Variants in POU2AF2 observed in about 807,000 individuals in gnomAD.
The protein encoded by POU2AF2 is POU class 2 homeobox associating factor 2.
At chr11:111,246,047 A>T in the POU2AF2 span, among the ~76,000 whole-genome samples, 1 of 152,218 alleles carries the variant, frequency 6.6e-6, no homozygotes, top group Non-Finnish European at 1.5e-5. Flanking sequence ...ACATTTTCCT[A>T]ATTCTAGTTA....
At chr11:111,259,149 C>A in the POU2AF2 span, among the ~76,000 whole-genome samples, 2 of 152,012 alleles carry the variant, frequency 1.3e-5, no homozygotes, top group African/African-American at 4.8e-5. Context: ...TTAAAGGGCA[C>A]TTTCTCATGT....
At chr11:111,283,126 C>T in the POU2AF2 span, among the ~76,000 whole-genome samples, 1 of 150,316 alleles carries the variant, frequency 6.7e-6, no homozygotes, top group South Asian at 2.1e-4. Flanking sequence ...GCAACCTCCA[C>T]CTCCCGGGTT....
At chr11:111,279,522 G>C in the POU2AF2 span, among the ~76,000 whole-genome samples, 1 of 152,176 alleles carries the variant, frequency 6.6e-6, no homozygotes, top group Non-Finnish European at 1.5e-5. Flanking sequence ...GATCCTCGAT[G>C]TTCCTTGGCT....
At chr11:111,270,420 G>A in the POU2AF2 span, among the ~76,000 whole-genome samples, 2 of 152,140 alleles carry the variant, frequency 1.3e-5, no homozygotes, top group Non-Finnish European at 2.9e-5. Context: ...AGCCCTTACT[G>A]TCACCTAAGG....
At chr11:111,256,535 T>C in the POU2AF2 span, among the ~76,000 whole-genome samples, 1 of 152,138 alleles carries the variant, frequency 6.6e-6, no homozygotes, top group Non-Finnish European at 1.5e-5. Flanking sequence ...GGAACACCAG[T>C]AGAGAGGGGC....
the POU2AF2 span, among the ~76,000 whole-genome samples, chr11:111,270,495 A>G: frequency 6.6e-6 from 1 of 152,190 alleles, no homozygotes; most frequent in Admixed American, 6.5e-5. Context: ...TAAATCCCCT[A>G]TAACCTAGGC....
the POU2AF2 span, among the ~76,000 whole-genome samples, chr11:111,266,622 T>A: frequency 4.6e-5 from 7 of 152,172 alleles, no homozygotes; most frequent in Non-Finnish European, 8.8e-5. Flanking sequence ...ACCTGTTCAG[T>A]TCTCTCTGGG....
chr11:111,266,616 G>T, the POU2AF2 span, among the ~76,000 whole-genome samples: 1 of 152,106 alleles, frequency 6.6e-6, no homozygotes, highest in Non-Finnish European at 1.5e-5. Context: ...CTTCCCACCT[G>T]TTCAGTTCTC....
At chr11:111,276,407 C>T in the POU2AF2 span, among the ~76,000 whole-genome samples, 1 of 139,068 alleles carries the variant, frequency 7.2e-6, no homozygotes, top group Non-Finnish European at 1.5e-5. Flanking sequence ...ACCATCCTGG[C>T]CAACATGGTG....
the POU2AF2 span, among the ~76,000 whole-genome samples, chr11:111,257,461 G>T: frequency 6.6e-6 from 1 of 151,326 alleles, no homozygotes; most frequent in African/African-American, 2.4e-5. Context: ...CCAGGTTCAA[G>T]CGATTCAAGC....
chr11:111,279,762 T>A, the POU2AF2 span, among the ~76,000 whole-genome samples: 2 of 152,158 alleles, frequency 1.3e-5, no homozygotes, highest in East Asian at 3.9e-4. Context: ...GGTATCAATA[T>A]AACTTTGGGT....
At chr11:111,285,672 C>T in the POU2AF2 span, 487 of 1,613,096 alleles carry the variant, frequency 3.0e-4, 1 homozygote, top group African/African-American at 5.4e-3. Context: ...TGGGAGCAGA[C>T]GTTGCCTGAC....
At chr11:111,279,847 G>C in the POU2AF2 span, among the ~76,000 whole-genome samples, 1 of 151,628 alleles carries the variant, frequency 6.6e-6, no homozygotes, top group Non-Finnish European at 1.5e-5. Context: ...TTCGAGACCA[G>C]CCTGGCCAAC....
chr11:111,253,559 C>T, the POU2AF2 span, among the ~76,000 whole-genome samples: 1 of 152,228 alleles, frequency 6.6e-6, no homozygotes, highest in Non-Finnish European at 1.5e-5. Flanking sequence ...CCATCCACCA[C>T]TACTCAGTCC....
At chr11:111,278,757 T>C in the POU2AF2 span, among the ~76,000 whole-genome samples, 3 of 152,244 alleles carry the variant, frequency 2.0e-5, no homozygotes, top group Non-Finnish European at 2.9e-5. Flanking sequence ...TGTCTTCAGA[T>C]ATTTGAAGGG....
chr11:111,276,456 ATATATATATAT>A, the POU2AF2 span, among the ~76,000 whole-genome samples: 5 of 36,584 alleles, frequency 1.4e-4, no homozygotes, highest in South Asian at 1.1e-3. Flanking sequence ...AAAAAAAAAT[ATATATATATAT>A]ATATATATAT....
At chr11:111,257,096 T>C in the POU2AF2 span, among the ~76,000 whole-genome samples, 2 of 152,194 alleles carry the variant, frequency 1.3e-5, no homozygotes, top group Non-Finnish European at 2.9e-5. Context: ...TCAAGTAAAA[T>C]ATAATCACAT....
At chr11:111,252,894 A>G in the POU2AF2 span, among the ~76,000 whole-genome samples, 2 of 151,536 alleles carry the variant, frequency 1.3e-5, no homozygotes, top group Admixed American at 1.3e-4. Context: ...TCCTGTGTCT[A>G]CCTCCTCCAT....
At chr11:111,254,145 C>T in the POU2AF2 span, among the ~76,000 whole-genome samples, 4 of 152,114 alleles carry the variant, frequency 2.6e-5, no homozygotes, top group Non-Finnish European at 5.9e-5. Flanking sequence ...TCAATGTGAC[C>T]TTAGGCTTTT....
Sources: allele counts gnomAD v4.1 joint callset (sites outside exome capture counted in the v4.1 genomes callset), GRCh38; gene constraint gnomAD v4.1.1; transcripts MANE v1.5; gene names NCBI Gene and HGNC (gene_info 2026-07-23, HGNC 2026-07-21).